Variants in EFHD2 observed in about 807,000 individuals in gnomAD.
The protein encoded by EFHD2 is EF-hand domain family member D2, also known as EF-hand domain-containing protein D2.
A neutral mutation model predicts 20.3 loss-of-function variants in EFHD2; 12 were observed. The ratio of observed to expected loss-of-function variants is 0.59; its 90% CI spans 0.38 to 0.96. The LOEUF is 0.96. Ranked by LOEUF, EFHD2 falls within the 40% of genes least tolerant of loss-of-function variation. The probability of loss-of-function intolerance (pLI) is 0.00; values close to 1 mark genes in which losing one functional copy is unlikely to be tolerated. For synonymous variants in EFHD2, 131 were observed against 143.9 expected (o/e 0.91, Z 0.64); for missense variants, 250 against 334.3 (o/e 0.75, Z 1.97).
intron 1 of EFHD2, among the ~76,000 whole-genome samples, chr1:15,422,479 C>G (rs549507483): frequency 6.6e-6 from 1 of 152,116 alleles, no homozygotes. Flanking sequence ...GCATCCCCCC[C>G]ACCTCCGCCG....
chr1:15,427,629 C>T (rs988873536), intron 3 of EFHD2, among the ~76,000 whole-genome samples: 2 of 152,228 alleles, frequency 1.3e-5, no homozygotes, highest in African/African-American at 4.8e-5. Flanking sequence ...TCTCCAGGGT[C>T]CCCGGTAGAC....
At chr1:15,410,777 C>T (rs993076606) in intron 1 of EFHD2, among the ~76,000 whole-genome samples, 3 of 151,640 alleles carry the variant, frequency 2.0e-5, no homozygotes, top group African/African-American at 7.3e-5. Context: ...GATACCCACC[C>T]CAGTGCCCCT....
At position 15,428,690 on chromosome 1, in the gene EFHD2, C is replaced by G. The variant is rs376064207; in HGVS notation, c.689C>G (p.Ala230Gly). The change falls in exon 4 of 4, where the codon GCG (alanine) becomes GGG (glycine). Residue 230 changes from alanine (A) to glycine (G), a missense_variant. Coordinates refer to ENST00000375980, the MANE Select transcript of EFHD2 (RefSeq NM_024329.6). The stretch of plus-strand genomic sequence containing the variant: ...GCGGAGGAGATGAAGCAGCGGAAAG[C>G]GGCCTTCAAGGAGCTGCAGTCCACC... ...KQAEEMKQRK[A>G]AFKELQSTFK is the part of the protein sequence containing the mutation. 1 of 1,600,046 alleles carries G rather than the reference C, an allele frequency of 6.2e-7. No homozygotes were observed. The highest frequency in any genetic ancestry group is 1.7e-5 in the Admixed American group (1 of 58,232).
At chr1:15,417,265 G>C (rs1557498260) in intron 1 of EFHD2, among the ~76,000 whole-genome samples, 1 of 152,256 alleles carries the variant, frequency 6.6e-6, no homozygotes, top group Non-Finnish European at 1.5e-5. Context: ...TGAGCTGTAA[G>C]AGGATAAGAT....
chr1:15,426,891 G>A lies in EFHD2; in HGVS notation c.457-259G>A, dbSNP rs574888715. 1.3e-5 allele frequency among the ~76,000 whole-genome samples: 2 copies of A among 152,164 alleles called. No homozygotes were observed. The highest frequency in any genetic ancestry group is 6.5e-5 in the Admixed American group (1 of 15,288). ...AGAGGTAGGCTGAGGCCGTGTCGTC[G>A]GGAGCTGGTGTGGGCGGGTCAGGGC... On this transcript the variant is annotated intron_variant, in intron 2 of 3. Transcript: ENST00000375980. This position sits in a 1 kb window ranked among gnomAD's most constrained non-coding sequence, Gnocchi z 4.6.
At position 15,426,911 on chromosome 1, in the gene EFHD2, C is replaced by G. The variant is rs895893942; in HGVS notation, c.457-239C>G. Among the ~76,000 whole-genome samples the G allele has an allele frequency of 1.2e-4, 19 of 152,088 alleles. No individual in the cohort carries two copies. Among genetic ancestry groups the G allele is most frequent in the African/African-American group, 4.3e-4 (18 of 41,404 alleles). ...TCGTCGGGAGCTGGTGTGGGCGGGTCAGGGCTGCAGTAGGCCAGCATCCTG... is the reference window on the plus strand; with the variant it reads ...TCGTCGGGAGCTGGTGTGGGCGGGTGAGGGCTGCAGTAGGCCAGCATCCTG... On this transcript the variant is annotated intron_variant, in intron 2 of 3. Coordinates refer to ENST00000375980, the MANE Select transcript of EFHD2 (RefSeq NM_024329.6). This position sits in a 1 kb window ranked among gnomAD's most constrained non-coding sequence, Gnocchi z 4.6.
At chr1:15,424,085 G>A (rs1427624037) in intron 1 of EFHD2, among the ~76,000 whole-genome samples, 1 of 152,018 alleles carries the variant, frequency 6.6e-6, no homozygotes, top group African/African-American at 2.4e-5. Context: ...CCAGCTACTT[G>A]GGAGGCTGAG....
chr1:15,428,267 T>A (rs1557503149), intron 3 of EFHD2, among the ~76,000 whole-genome samples: 2 of 151,784 alleles, frequency 1.3e-5, no homozygotes, highest in African/African-American at 4.8e-5. Flanking sequence ...CTGAGGCGGG[T>A]GGATCACCTG....
intron 1 of EFHD2, among the ~76,000 whole-genome samples, chr1:15,414,474 G>A (rs565157360): frequency 2.0e-5 from 3 of 152,388 alleles, no homozygotes; most frequent in African/African-American, 4.8e-5. Context: ...GGGGACCCAC[G>A]TTACAGGGTT....
In EFHD2 at chr1:15,413,854, T is replaced by C. The variant is rs1707596459; in HGVS notation, c.308+3575T>C. On this transcript the variant is annotated intron_variant, in intron 1 of 3. Coordinates refer to ENST00000375980, the MANE Select transcript of EFHD2 (RefSeq NM_024329.6). This position sits in a 1 kb window ranked among gnomAD's most constrained non-coding sequence, Gnocchi z 4.4. ...GCCAGGCACAAGGAGGCTCTGCGTCTCCCTGGCCCTCGCAGCCAGGACTCT... is the reference window on the plus strand; with the variant it reads ...GCCAGGCACAAGGAGGCTCTGCGTCCCCCTGGCCCTCGCAGCCAGGACTCT... 2.6e-5 allele frequency among the ~76,000 whole-genome samples: 4 copies of C among 152,178 alleles called. No homozygotes were observed. The South Asian group carries it at 8.3e-4, about 31-fold the overall frequency.
At position 15,410,168 on chromosome 1, in the gene EFHD2, A is replaced by T; in HGVS notation, c.197A>T (p.Asn66Ile). The T allele has an allele frequency of 6.2e-7, 1 of 1,604,412 alleles. No individual in the cohort carries two copies. Among genetic ancestry groups the T allele is most frequent in the African/African-American group, 1.4e-5 (1 of 73,464 alleles). ...AAGCTGCTGCGGCGCGCAGACCTCA[A>T]CCAGGGCATCGGCGAGCCCCAGTCG... ...SAKLLRRADL[N>I]QGIGEPQSPS... The change falls in exon 1 of 4, where the codon AAC becomes ATC. Residue 66 changes from asparagine (N) to isoleucine (I), a missense_variant. Asn to Ile is a moderately radical substitution (Grantham distance 149). Transcript: ENST00000375980.
chr1:15,427,377 G>A (rs1480051576), intron 3 of EFHD2, 93 bp downstream of exon 3: 8 of 1,500,656 alleles, frequency 5.3e-6, no homozygotes, highest in Non-Finnish European at 7.1e-6. Context: ...CGTCCCTGCT[G>A]AGGCTGCAGA....
intron 3 of EFHD2, 34 bp from the exon 4 acceptor site, chr1:15,428,559 C>T (rs1469866176): frequency 3.1e-6 from 5 of 1,605,152 alleles, no homozygotes; most frequent in Non-Finnish European, 2.6e-6. Flanking sequence ...ATACACCATC[C>T]AGCCCTGACC....
chr1:15,420,150 G>A (rs1707763857), intron 1 of EFHD2, among the ~76,000 whole-genome samples: 3 of 152,112 alleles, frequency 2.0e-5, no homozygotes, highest in Admixed American at 2.0e-4. Context: ...AAGCCAGTGT[G>A]TTTTTTATCA....
chr1:15,418,952 G>A (rs1707740285), intron 1 of EFHD2, among the ~76,000 whole-genome samples: 1 of 152,276 alleles, frequency 6.6e-6, no homozygotes, highest in Non-Finnish European at 1.5e-5. Context: ...TAGGCTTCTT[G>A]TGAGAATCTG....
rs762323971 is a variant in EFHD2, at chr1:15,413,428, A to G, written c.308+3149A>G. Among the ~76,000 whole-genome samples the G allele has an allele frequency of 3.3e-5, 5 of 152,034 alleles. No homozygotes were observed. Among genetic ancestry groups the G allele is most frequent in the Non-Finnish European group, 7.4e-5 (5 of 67,998 alleles). Reference sequence around the variant, plus strand: ...GACCCCCAAAGGTCCTTCAGCCCTGACCTGCGTATGTCTGAGGGGTCCTGA... The same window carrying G: ...GACCCCCAAAGGTCCTTCAGCCCTGGCCTGCGTATGTCTGAGGGGTCCTGA... On this transcript the variant is annotated intron_variant, in intron 1 of 3. Transcript: ENST00000375980. The surrounding 1 kb of genome is among the most constrained non-coding windows in gnomAD (Gnocchi z 4.4).
At position 15,409,922 on chromosome 1, in the gene EFHD2, G is replaced by A. The variant is rs1464459042; in HGVS notation, c.-50G>A. On this transcript the variant is annotated 5_prime_UTR_variant, in exon 1 of 4. Transcript: ENST00000375980. ...GAAGAGGAAGAGCGCGGCCGGCGGCGCTGCGCTGAGAGCAGGGGCCCGGCC... is the reference window on the plus strand; with the variant it reads ...GAAGAGGAAGAGCGCGGCCGGCGGCACTGCGCTGAGAGCAGGGGCCCGGCC... 2 of 1,202,232 alleles carry A rather than the reference G, an allele frequency of 1.7e-6. No homozygotes were observed. Among genetic ancestry groups the A allele is most frequent in the African/African-American group, 3.2e-5 (2 of 62,900 alleles). The allele number at this position is 1,202,232 out of a possible 1,614,324, so 74.5% of individuals were successfully genotyped here. A position where few individuals can be genotyped will look rare whatever the true frequency, so the allele number is the denominator to read the frequency against.
chr1:15,415,710 G>A (rs537165332), intron 1 of EFHD2, among the ~76,000 whole-genome samples: 42 of 152,022 alleles, frequency 2.8e-4, no homozygotes, highest in African/African-American at 8.9e-4. Flanking sequence ...GGCTGGTCTC[G>A]AACTTCTGAC....
At chr1:15,425,325 G>T (rs888026870) in intron 1 of EFHD2, among the ~76,000 whole-genome samples, 20 of 152,132 alleles carry the variant, frequency 1.3e-4, no homozygotes, top group African/African-American at 4.6e-4. Flanking sequence ...AGGAGTTCAA[G>T]ACCAGCCTGG....
Sources: gnomAD v4.1 joint callset for allele counts (sites outside exome capture counted in the v4.1 genomes callset) on GRCh38, gnomAD v4.1.1 for gene constraint, Gnocchi (gnomAD v3.1) non-coding constraint, MANE v1.5 for transcripts, NCBI Gene and HGNC (gene_info 2026-07-23, HGNC 2026-07-21) for gene names.